Variants in PML observed in about 807,000 individuals in gnomAD.
PML encodes protein PML.
A neutral mutation model predicts 65.2 loss-of-function variants in PML; 28 were observed. The ratio of observed to expected loss-of-function variants is 0.43; its 90% CI spans 0.32 to 0.59. The LOEUF is 0.59. Among genes scored for constraint, PML ranks in the 20% least tolerant of loss-of-function variants. PML has a pLI of 0.08. For synonymous variants in PML, 500 were observed against 508.8 expected, an observed-to-expected ratio of 0.98 and a Z score of 0.23; for missense variants, 1,021 against 1,203.4, an observed-to-expected ratio of 0.85 and a Z score of 2.24.
Position 74,044,152 on chromosome 15 carries a change from G to T in PML, c.1862-69G>T. The T allele has an allele frequency of 2.6e-6, 4 of 1,509,454 alleles. No homozygotes were observed. In the South Asian group the frequency reaches 4.5e-5, roughly 17 times the overall value. 93.5% of individuals were successfully genotyped at this position (1,509,454 alleles called of 1,614,324 possible). A position where few individuals can be genotyped will look rare whatever the true frequency, so the allele number is the denominator to read the frequency against. Reference sequence around the variant, plus strand: ...AGATGGTGAGTCAGCAGCCCTAGAGGACCCCCTGCTCCCACCCCAGAGCTC... The same window carrying T: ...AGATGGTGAGTCAGCAGCCCTAGAGTACCCCCTGCTCCCACCCCAGAGCTC... On this transcript the variant is annotated intron_variant, in intron 8 of 8. Transcript: ENST00000268058.
At chr15:74,032,348 A>T in intron 4 of PML, 1 of 584,440 alleles carries the variant, frequency 1.7e-6, no homozygotes, top group Non-Finnish European at 3.0e-6. Context: ...CGTGGGCAAC[A>T]TAGTGAGACC....
At chr15:73,997,913 C>T (rs1008584756) in intron 1 of PML, 91 bp from the exon 2 acceptor site, 50 of 1,082,698 alleles carry the variant, frequency 4.6e-5, no homozygotes, top group Middle Eastern at 2.9e-4. Context: ...ATATGAGGTC[C>T]TACTCCAGGG....
chr15:74,043,367 G>A lies in PML; in HGVS notation c.1861+228G>A. The A allele has an allele frequency of 1.4e-6, 2 of 1,440,008 alleles. No individual in the cohort carries two copies. Among genetic ancestry groups the A allele is most frequent in the Non-Finnish European group, 1.8e-6 (2 of 1,104,030 alleles). The allele number at this position is 1,440,008 out of a possible 1,614,324, so 89.2% of individuals were successfully genotyped here. ...AGTGCCTGAGTGTGCGAGAGAGGCA[G>A]ATGCCTCCACAAGTGCACCTCTGAC... is the stretch of plus-strand genomic sequence containing the variant. On this transcript the variant is annotated intron_variant, in intron 8 of 8. Coordinates refer to ENST00000268058, the MANE Select transcript of PML (RefSeq NM_033238.3). This position sits in a 1 kb window ranked among gnomAD's most constrained non-coding sequence, Gnocchi z 4.3.
At chr15:74,034,348 C>A (rs938459540) in intron 6 of PML, 130 bp from the exon 7 acceptor site, 9 of 1,146,406 alleles carry the variant, frequency 7.9e-6, no homozygotes, top group Admixed American at 1.7e-5. Flanking sequence ...AGTGGCTGTT[C>A]CCGTCCCCCT....
chr15:74,044,457 T>C lies in PML; in HGVS notation c.2098T>C (p.Phe700Leu). ...ALEDINRLWE[F>L]QEAISGFLAA... Reference sequence around the variant, plus strand: ...GGAGGACATTAACAGGCTGTGGGAATTCCAGGAGGCCATCTCGGGCTTCCT... The same window carrying C: ...GGAGGACATTAACAGGCTGTGGGAACTCCAGGAGGCCATCTCGGGCTTCCT... The change falls in exon 9 of 9, where the codon TTC becomes CTC. Residue 700 changes from phenylalanine to leucine, a missense_variant. Physicochemically the swap from Phe to Leu is conservative, Grantham distance 22. Coordinates refer to ENST00000268058, the MANE Select transcript of PML (RefSeq NM_033238.3). The C allele has an allele frequency of 6.2e-7, 1 of 1,614,162 alleles. No individual in the cohort carries two copies. The highest frequency in any genetic ancestry group is 1.3e-5 in the African/African-American group (1 of 75,048).
At chr15:73,995,713 TTTG>T (rs1188022109) in intron 1 of PML, among the ~76,000 whole-genome samples, 1 of 151,652 alleles carries the variant, frequency 6.6e-6, no homozygotes, top group Non-Finnish European at 1.5e-5. Flanking sequence ...TTGGTTTTTT[TTTG>T]TTGTTGTTTG....
chr15:74,043,100 A>G lies in PML; in HGVS notation c.1822A>G (p.Arg608Gly), dbSNP rs371624259. The G allele has an allele frequency of 6.8e-6, 11 of 1,613,380 alleles. No individual in the cohort carries two copies. The highest frequency in any genetic ancestry group is 9.3e-6 in the Non-Finnish European group (11 of 1,179,936). ...CCTTGCTGACCCCCAAGCAGAAGACAGACCTCTGGTTTTCTTTGACCTCAA... is the reference window on the plus strand; with the variant it reads ...CCTTGCTGACCCCCAAGCAGAAGACGGACCTCTGGTTTTCTTTGACCTCAA... ...ENLADPQAEDRPLVFFDLKID... is the reference protein window; with the variant it reads ...ENLADPQAEDGPLVFFDLKID... Residue 608 changes from arginine to glycine, a missense_variant, in exon 8 of 9, where the codon AGA (arginine) becomes GGA (glycine). Coordinates refer to ENST00000268058, the MANE Select transcript of PML (RefSeq NM_033238.3). The surrounding 1 kb of genome is among the most constrained non-coding windows in gnomAD (Gnocchi z 4.3).
In PML at chr15:74,035,469, C is replaced by T. The variant is rs1321334714; in HGVS notation, c.1710+939C>T. The T allele has an allele frequency of 1.9e-6, 3 of 1,612,588 alleles. 1 individual carries two copies. Among genetic ancestry groups the T allele is most frequent in the Non-Finnish European group, 2.5e-6 (3 of 1,180,004 alleles). ...AGCACAGAGAGCCATCCGCCTTCGC[C>T]ATGCCCTCCGCTTGCACCCTCAATT... On this transcript the variant is annotated intron_variant, in intron 7 of 8. Coordinates refer to ENST00000268058, the MANE Select transcript of PML (RefSeq NM_033238.3). This position sits in a 1 kb window ranked among gnomAD's most constrained non-coding sequence, Gnocchi z 4.1.
intron 4 of PML, chr15:74,027,203 G>A (rs1460783192): frequency 7.2e-5 from 11 of 152,130 alleles, no homozygotes; most frequent in Admixed American, 6.5e-4. Flanking sequence ...GCATATTTAG[G>A]TTGTTTTGCT....
intron 6 of PML, 85 bp from the exon 7 acceptor site, chr15:74,034,393 C>T: frequency 6.3e-7 from 1 of 1,593,196 alleles, no homozygotes; most frequent in Non-Finnish European, 8.6e-7. Context: ...GACTGGCCTG[C>T]AAGGATTCCC....
chr15:74,034,194 G>A (rs563719249), intron 6 of PML: 30 of 505,780 alleles, frequency 5.9e-5, no homozygotes, highest in African/African-American at 5.0e-4. Flanking sequence ...GCAGTTGTCA[G>A]GCCTCCTGTA....
chr15:74,008,939 A>T (rs181718146), intron 2 of PML, among the ~76,000 whole-genome samples: 2 of 152,190 alleles, frequency 1.3e-5, no homozygotes, highest in African/African-American at 4.8e-5. Flanking sequence ...CAGATGTGGG[A>T]TACTTATCCA....
chr15:74,002,646 G>T (rs2069832634), intron 2 of PML, among the ~76,000 whole-genome samples: 1 of 148,620 alleles, frequency 6.7e-6, no homozygotes, highest in African/African-American at 2.5e-5. Context: ...AGTAGAGAAG[G>T]GGTTTCATTA....
At chr15:74,010,408 T>G (rs1250861404) in intron 2 of PML, among the ~76,000 whole-genome samples, 2 of 150,796 alleles carry the variant, frequency 1.3e-5, no homozygotes, top group Non-Finnish European at 2.9e-5. Flanking sequence ...TCCCAGCTAC[T>G]AGGGAGACTG....
intron 4 of PML, chr15:74,026,989 T>C (rs1400461565): frequency 1.3e-5 from 2 of 152,216 alleles, no homozygotes; most frequent in Non-Finnish European, 2.9e-5. Flanking sequence ...CCAGAATGTA[T>C]GTAATTACAA....
intron 7 of PML, chr15:74,036,482 A>T: frequency 8.2e-7 from 1 of 1,215,306 alleles, no homozygotes; most frequent in East Asian, 4.0e-5. Context: ...CTATGCTGGA[A>T]CTCAGTTCTC....
intron 4 of PML, among the ~76,000 whole-genome samples, chr15:74,031,787 GCA>G (rs2071335063): frequency 6.6e-6 from 1 of 152,182 alleles, no homozygotes; most frequent in Non-Finnish European, 1.5e-5. Flanking sequence ...ACTGTGCCTG[GCA>G]CAGAGTAGTA....
chr15:74,044,519 G>A lies in PML; in HGVS notation c.2160G>A (p.Gly720=), dbSNP rs2071749642. 6.2e-7 allele frequency: 1 copy of A among 1,613,856 alleles called. No homozygotes were observed. The highest frequency in any genetic ancestry group is 1.7e-5 in the Admixed American group (1 of 60,012). The change falls in exon 9 of 9, where the codon GGG becomes GGA. Residue 720 remains glycine, a synonymous_variant. Transcript: ENST00000268058. The part of the protein sequence containing the change: ...ALPLIRERVP[G]ASSFKLKNLA... ...CTCTCATCCGGGAGCGTGTGCCCGG[G>A]GCCAGCAGCTTCAAACTCAAGAACC...
intron 6 of PML, chr15:74,033,916 T>C (rs2071430198): frequency 2.6e-6 from 1 of 379,196 alleles, no homozygotes; most frequent in Non-Finnish European, 4.8e-6. Context: ...TGGGCAGGAG[T>C]TGAGGTCAAC....
Sources: allele counts gnomAD v4.1 joint callset (sites outside exome capture counted in the v4.1 genomes callset), GRCh38; gene constraint gnomAD v4.1.1; non-coding constraint Gnocchi (gnomAD v3.1); transcripts MANE v1.5; gene names NCBI Gene and HGNC (gene_info 2026-07-23, HGNC 2026-07-21).